The following NTNG1 variants were observed in gnomAD, a reference collection of about 807,000 sequenced individuals.
The protein encoded by NTNG1 is netrin-G1.
Under a neutral mutation model 54.0 loss-of-function variants are expected in NTNG1, and 16 were observed. The ratio of observed to expected loss-of-function variants is 0.30; its 90% CI spans 0.20 to 0.45. The LOEUF (loss-of-function observed/expected upper bound fraction) is 0.45. Among genes scored for constraint, NTNG1 ranks in the 20% least tolerant of loss-of-function variants. The pLI, the probability that NTNG1 is intolerant of heterozygous loss-of-function variation, is 1.00. For synonymous variants in NTNG1, 255 were observed against 263.1 expected (o/e 0.97, Z 0.30); for missense variants, 530 against 678.7 (o/e 0.78, Z 2.43).
At chr1:107,436,881 A>G (rs1675634507) in intron 7 of NTNG1, 82 bp downstream of exon 7, 2 of 1,316,616 alleles carry the variant, frequency 1.5e-6, no homozygotes, top group Non-Finnish European at 2.1e-6. Flanking sequence ...GCAGCTTCTC[A>G]GAGCAGAAAA....
At chr1:107,480,581 C>CCCCCCCCCTCCCTT in intron 7 of NTNG1, 30 bp from the exon 8 acceptor site, 1 of 681,314 alleles carries the variant, frequency 1.5e-6, no homozygotes, top group South Asian at 2.1e-5. Flanking sequence ...CCCGCGCCCA[C>CCCCCCCCCTCCCTT]CCACCCCTAC....
At chr1:107,288,072 A>T (rs1285712774) in intron 2 of NTNG1, among the ~76,000 whole-genome samples, 2 of 152,188 alleles carry the variant, frequency 1.3e-5, no homozygotes, top group Non-Finnish European at 2.9e-5. Flanking sequence ...GAATAGAATT[A>T]TAAAGATCAT....
intron 5 of NTNG1, among the ~76,000 whole-genome samples, chr1:107,426,390 G>A (rs566737273): frequency 1.3e-5 from 2 of 151,874 alleles, no homozygotes; most frequent in African/African-American, 2.4e-5. Flanking sequence ...TGCATATTGC[G>A]AGCCAGTTTT....
chr1:107,229,182 G>C (rs569458017), intron 2 of NTNG1, among the ~76,000 whole-genome samples: 1 of 151,798 alleles, frequency 6.6e-6, no homozygotes, highest in East Asian at 1.9e-4. Flanking sequence ...AATGAAGAAG[G>C]GCTCTTCGGA....
intron 2 of NTNG1, among the ~76,000 whole-genome samples, chr1:107,179,754 C>T (rs1656931153): frequency 1.3e-5 from 2 of 152,044 alleles, no homozygotes; most frequent in South Asian, 2.1e-4. Flanking sequence ...CACCCTCCAC[C>T]CTCCGAAATA....
intron 5 of NTNG1, among the ~76,000 whole-genome samples, chr1:107,411,977 A>G (rs2101172658): frequency 6.6e-6 from 1 of 152,336 alleles, no homozygotes; most frequent in Middle Eastern, 3.4e-3. Context: ...ATAATCTCCT[A>G]CTTAAATGTC....
intron 2 of NTNG1, among the ~76,000 whole-genome samples, chr1:107,321,651 G>A (rs888431205): frequency 1.3e-5 from 2 of 152,110 alleles, no homozygotes; most frequent in Non-Finnish European, 2.9e-5. Context: ...ATAAACCTAT[G>A]TAACTAGGTA....
intron 5 of NTNG1, among the ~76,000 whole-genome samples, chr1:107,413,717 AG>A (rs1467535241): frequency 6.6e-6 from 1 of 152,306 alleles, no homozygotes; most frequent in East Asian, 1.9e-4. Flanking sequence ...TTAATAAAAA[AG>A]CAACTCATCC....
chr1:107,194,348 C>T (rs1035983076), intron 2 of NTNG1, among the ~76,000 whole-genome samples: 6 of 151,974 alleles, frequency 3.9e-5, no homozygotes, highest in Admixed American at 6.6e-5. Context: ...GCCTTTTTTC[C>T]TATTATTCCT....
chr1:107,322,821 A>G (rs1667729886), intron 2 of NTNG1, among the ~76,000 whole-genome samples: 1 of 152,032 alleles, frequency 6.6e-6, no homozygotes. Flanking sequence ...CAAATAATGT[A>G]CCTTCTCTTC....
intron 3 of NTNG1, among the ~76,000 whole-genome samples, chr1:107,361,280 T>A (rs1239211614): frequency 7.0e-6 from 1 of 143,436 alleles, no homozygotes; most frequent in Non-Finnish European, 1.5e-5. Flanking sequence ...AACTATATAA[T>A]ATATAATTTT....
At chr1:107,292,908 T>C (rs989402932) in intron 2 of NTNG1, among the ~76,000 whole-genome samples, 2 of 152,190 alleles carry the variant, frequency 1.3e-5, no homozygotes, top group African/African-American at 4.8e-5. Flanking sequence ...TCCTTCCTTT[T>C]GTTCGTGCTC....
At chr1:107,431,392 T>A (rs946200385) in intron 6 of NTNG1, among the ~76,000 whole-genome samples, 11 of 152,210 alleles carry the variant, frequency 7.2e-5, no homozygotes, top group African/African-American at 2.4e-4. Context: ...TATTTGAGAT[T>A]GAAAATGACT....
intron 2 of NTNG1, among the ~76,000 whole-genome samples, chr1:107,292,321 A>T (rs1169567363): frequency 1.3e-5 from 2 of 152,104 alleles, no homozygotes; most frequent in Non-Finnish European, 2.9e-5. Context: ...GATGGAGGCA[A>T]GTTTTAGATC....
intron 2 of NTNG1, among the ~76,000 whole-genome samples, chr1:107,155,011 T>G (rs928567948): frequency 3.3e-5 from 5 of 152,124 alleles, no homozygotes; most frequent in African/African-American, 1.2e-4. Flanking sequence ...TCAGTCCCCC[T>G]GGAGATAACC....
intron 2 of NTNG1, among the ~76,000 whole-genome samples, chr1:107,276,724 C>T (rs1315204340): frequency 6.6e-6 from 1 of 151,982 alleles, no homozygotes; most frequent in African/African-American, 2.4e-5. Flanking sequence ...TAAGTCGTCA[C>T]TAATTGTTCG....
chr1:107,356,952 G>T (rs1039657585), intron 3 of NTNG1, among the ~76,000 whole-genome samples: 7 of 152,082 alleles, frequency 4.6e-5, no homozygotes, highest in Non-Finnish European at 1.0e-4. Flanking sequence ...GCAGCAAGTG[G>T]GGATCATGCC....
chr1:107,461,531 CTTTTTTTTTTCT>C (rs900058295), intron 7 of NTNG1, among the ~76,000 whole-genome samples: 7 of 120,512 alleles, frequency 5.8e-5, no homozygotes, highest in African/African-American at 1.9e-4. Flanking sequence ...CTCTTTTTTT[CTTTTTTTTTTCT>C]TTTTTTTTTC....
At position 107,483,941 on chromosome 1, in the gene NTNG1, C is replaced by T. The variant is rs1354804481; in HGVS notation, c.*3101C>T. ...CACAGCCTAGGGGAAGAATTTAGTC[C>T]AGCAAAGAGGGGACCTTGCTTAGAG... On this transcript the variant is annotated 3_prime_UTR_variant, in exon 8 of 8. Transcript: ENST00000370068. 6.6e-6 allele frequency among the ~76,000 whole-genome samples: 1 copy of T among 152,122 alleles called. No homozygotes were observed. Among genetic ancestry groups the T allele is most frequent in the Non-Finnish European group, 1.5e-5 (1 of 68,028 alleles).
Sources: allele counts gnomAD v4.1 joint callset (sites outside exome capture counted in the v4.1 genomes callset), GRCh38; gene constraint gnomAD v4.1.1; transcripts MANE v1.5; gene names NCBI Gene and HGNC (gene_info 2026-07-23, HGNC 2026-07-21).